The following TCP1 variants were observed in gnomAD, a reference collection of about 807,000 sequenced individuals.
TCP1 encodes the protein T-complex protein 1 subunit alpha.
In TCP1, 6 loss-of-function variants were observed where a neutral mutation model predicts 54.7. That is an observed-to-expected ratio of 0.11 (90% CI 0.06 to 0.22). The LOEUF (loss-of-function observed/expected upper bound fraction) is 0.22. TCP1 is among the 10% of genes least tolerant of loss of function. TCP1 has a pLI of 1.00. For missense variants in TCP1, 511 were observed against 678.2 expected, an observed-to-expected ratio of 0.75 and a Z score of 2.74; for synonymous variants, 225 against 229.7, an observed-to-expected ratio of 0.98 and a Z score of 0.19.
intron 1 of TCP1, chr6:159,788,914 T>C (rs911011735): frequency 6.4e-6 from 1 of 157,320 alleles, no homozygotes; most frequent in South Asian, 1.8e-4. Context: ...TCAACCCGGA[T>C]ACGGCTGGAC....
In TCP1 at chr6:159,785,453, C is replaced by G. The variant is rs1207423781; in HGVS notation, c.421G>C (p.Asp141His). The stretch of plus-strand genomic sequence containing the variant: ...ATCAGGCAATCTCTTCCCAGTTCAT[C>G]TGTGTTAACAATTAGGTTTTCATTG... Reference protein sequence around the residue: ...YINENLIVNTDELGRDCLINA... With the variant: ...YINENLIVNTHELGRDCLINA... Residue 141 changes from aspartate to histidine, a missense_variant, in exon 5 of 12, where the codon GAT (aspartate) becomes CAT (histidine). By Grantham distance (81) the Asp-to-His change is moderately conservative. Around this residue, in one of 5 missense-constraint regions of TCP1, gnomAD observed 305 missense variants for 352.8 expected, o/e 0.86. Coordinates refer to ENST00000321394, the MANE Select transcript of TCP1 (RefSeq NM_030752.3). The G allele has an allele frequency of 3.7e-6, 6 of 1,613,938 alleles. No individual in the cohort carries two copies. The highest frequency in any genetic ancestry group is 5.1e-6 in the Non-Finnish European group (6 of 1,180,016).
At chr6:159,779,393 C>CA in intron 11 of TCP1, 132 bp from the exon 12 acceptor site, 1 of 990,746 alleles carries the variant, frequency 1.0e-6, no homozygotes, top group Admixed American at 2.6e-5. Context: ...GTCTTTCTAC[C>CA]AAAAGAAGCA....
intron 1 of TCP1, 82 bp from the exon 2 acceptor site, chr6:159,788,225 A>AT (rs1780745038): frequency 2.2e-6 from 3 of 1,340,206 alleles, no homozygotes; most frequent in Non-Finnish European, 3.2e-6. Flanking sequence ...CTAAAGGTAA[A>AT]TGACATCCAA....
intron 6 of TCP1, among the ~76,000 whole-genome samples, chr6:159,784,347 C>G (rs1323680344): frequency 1.3e-5 from 2 of 151,326 alleles, no homozygotes; most frequent in Non-Finnish European, 2.9e-5. Context: ...CTCTGTAGCC[C>G]AGGCTGGAGT....
intron 11 of TCP1, 102 bp from the exon 12 acceptor site, chr6:159,779,363 G>C (rs1251043490): frequency 1.7e-6 from 2 of 1,149,794 alleles, no homozygotes; most frequent in African/African-American, 3.1e-5. Flanking sequence ...TTTTAAATCA[G>C]ACTAGAGATC....
At chr6:159,789,304 T>C in intron 1 of TCP1, 101 bp downstream of exon 1, 1 of 1,395,592 alleles carries the variant, frequency 7.2e-7, no homozygotes, top group Non-Finnish European at 9.9e-7. Context: ...AGGCCCTTTC[T>C]GCGGAGGTAA....
At chr6:159,785,302 G>C in intron 5 of TCP1, 84 bp downstream of exon 5, 1 of 1,030,038 alleles carries the variant, frequency 9.7e-7, no homozygotes, top group South Asian at 1.3e-5. Flanking sequence ...TTAGTAGCTG[G>C]GACTACAGGC....
rs1780484985 is a variant in TCP1, at chr6:159,778,517, A to C, written c.*528T>G. The C allele has an allele frequency of 3.1e-6, 3 of 968,884 alleles. No homozygotes were observed. In the East Asian group the frequency reaches 7.8e-5, roughly 25 times the overall value. The allele number at this position is 968,884 out of a possible 1,614,324, so 60.0% of individuals were successfully genotyped here. ...CAGGGATGAATTTTCACAAAGGTGT[A>C]AATTTATTCCTAAGCAGTTAAAATG... On this transcript the variant is annotated 3_prime_UTR_variant, in exon 12 of 12. Transcript: ENST00000321394.
At chr6:159,783,863 T>C (rs1393728047) in intron 7 of TCP1, 78 bp downstream of exon 7, 78 of 1,479,416 alleles carry the variant, frequency 5.3e-5, no homozygotes, top group Non-Finnish European at 6.6e-5. Flanking sequence ...GGAAGTAAAA[T>C]AGTTTGACTT....
chr6:159,779,863 AG>A, intron 10 of TCP1, 31 bp downstream of exon 10: 1 of 1,608,274 alleles, frequency 6.2e-7, no homozygotes, highest in Non-Finnish European at 8.5e-7. Flanking sequence ...TACTGCTCTC[AG>A]GCCTCTAAGA....
At chr6:159,785,273 T>C (rs1219525268) in intron 5 of TCP1, 113 bp downstream of exon 5, 1 of 805,504 alleles carries the variant, frequency 1.2e-6, no homozygotes, top group Non-Finnish European at 2.1e-6. Flanking sequence ...GTTCAATTAA[T>C]ACTCCTACCT....
At chr6:159,784,110 A>G (rs1429278164) in intron 6 of TCP1, 43 bp from the exon 7 acceptor site, 2 of 1,585,748 alleles carry the variant, frequency 1.3e-6, no homozygotes, top group Admixed American at 1.9e-5. Flanking sequence ...CTATCCTTAA[A>G]AGCATAATAA....
intron 6 of TCP1, among the ~76,000 whole-genome samples, chr6:159,784,423 G>A (rs1217365421): frequency 6.6e-6 from 1 of 151,608 alleles, no homozygotes; most frequent in Non-Finnish European, 1.5e-5. Context: ...TCCTTCCTCA[G>A]CCTCCCAAGT....
In TCP1 at chr6:159,789,585, G is replaced by A. The variant is rs1297970008; in HGVS notation, c.-117C>T. On this transcript the variant is annotated 5_prime_UTR_variant, in exon 1 of 12. Coordinates refer to ENST00000321394, the MANE Select transcript of TCP1 (RefSeq NM_030752.3). The stretch of plus-strand genomic sequence containing the variant: ...GCGACGGCGTGGAGCGTACCCGAGC[G>A]ATGTCCCAGGAGCTACTGGGTAACA... 8.6e-6 allele frequency: 11 copies of A among 1,272,916 alleles called. No homozygotes were observed. Among genetic ancestry groups the A allele is most frequent in the East Asian group, 7.6e-5 (3 of 39,732 alleles). The allele number at this position is 1,272,916 out of a possible 1,614,324, so 78.9% of individuals were successfully genotyped here.
Position 159,779,770 on chromosome 6 carries a change from C to T in TCP1, c.1311G>A (p.Ala437=), listed in dbSNP as rs767827941. The T allele has an allele frequency of 3.4e-5, 54 of 1,602,838 alleles. No individual in the cohort carries two copies. Among genetic ancestry groups the T allele is most frequent in the South Asian group, 6.8e-5 (6 of 88,578 alleles). Residue 437 remains alanine, a synonymous_variant, in exon 11 of 12, where the codon GCG becomes GCA. Transcript: ENST00000321394. ...GAAGTGATCTTGCAAACTCTGCAAT[C>T]GCAAGCTGTTCCCGAGACCCCTAGG... ...ATSMGSREQL[A]IAEFARSLLV... is the part of the protein sequence containing the mutation.
chr6:159,782,383 A>C (rs1017424096), intron 7 of TCP1, among the ~76,000 whole-genome samples: 2 of 152,250 alleles, frequency 1.3e-5, no homozygotes, highest in African/African-American at 4.8e-5. Flanking sequence ...AGGAAGAAAA[A>C]ATACAGGAAG....
chr6:159,784,950 C>T (rs1225730055), intron 5 of TCP1, 103 bp from the exon 6 acceptor site: 2 of 1,153,820 alleles, frequency 1.7e-6, no homozygotes, highest in African/African-American at 1.6e-5. Context: ...GTAATCTAAT[C>T]TATTAAAGCA....
intron 9 of TCP1, 122 bp downstream of exon 9, chr6:159,780,321 T>C (rs767527561): frequency 1.4e-6 from 2 of 1,463,024 alleles, no homozygotes; most frequent in East Asian, 4.5e-5. Context: ...AATGTTATTT[T>C]ATCCCATGCG....
In TCP1 at chr6:159,783,875, G is replaced by A. The variant is rs906169198; in HGVS notation, c.797+66C>T. 7.3e-6 allele frequency: 11 copies of A among 1,499,188 alleles called. No homozygotes were observed. The African/African-American group carries it at 9.9e-5, about 13-fold the overall frequency. 92.9% of individuals were successfully genotyped at this position (1,499,188 alleles called of 1,614,324 possible). On this transcript the variant is annotated intron_variant, in intron 7 of 11. Transcript: ENST00000321394. The stretch of plus-strand genomic sequence containing the variant: ...TCTGGAAGTAAAATAGTTTGACTTG[G>A]CTAAAAATGTTAAAGTCCTCCAAGA...
Sources: gnomAD v4.1 joint callset for allele counts (sites outside exome capture counted in the v4.1 genomes callset) on GRCh38, gnomAD v4.1.1 for gene constraint, gnomAD v4.1.1 regional missense constraint, MANE v1.5 for transcripts, NCBI Gene and HGNC (gene_info 2026-07-23, HGNC 2026-07-21) for gene names.